Variants in ALDH1A2 observed in about 807,000 individuals in gnomAD.
ALDH1A2 encodes retinal dehydrogenase 2.
In ALDH1A2, 27 loss-of-function variants were observed where a neutral mutation model predicts 60.3. The observed-to-expected ratio is 0.45, with a 90% confidence interval of 0.33 to 0.62. The LOEUF is 0.62. ALDH1A2 is among the 20% of genes least tolerant of loss of function. The pLI is 0.02. For synonymous variants in ALDH1A2, 289 were observed against 232.4 expected (o/e 1.24, Z -2.21); for missense variants, 581 against 643.8 (o/e 0.90, Z 1.06).
At chr15:57,971,731 C>A (rs556365113) in intron 7 of ALDH1A2, among the ~76,000 whole-genome samples, 1 of 152,168 alleles carries the variant, frequency 6.6e-6, no homozygotes, top group Non-Finnish European at 1.5e-5. Context: ...GACAAACTTT[C>A]AATAATTTGT....
intron 5 of ALDH1A2, 24 bp downstream of exon 5, chr15:57,995,054 C>T (rs756352718): frequency 1.8e-5 from 29 of 1,591,398 alleles, no homozygotes; most frequent in Admixed American, 5.0e-5. Flanking sequence ...AAAATAAATA[C>T]GAGGTGCGAG....
At position 57,992,941 on chromosome 15, in the gene ALDH1A2, T is replaced by C; in HGVS notation, c.684+4A>G. The C allele has an allele frequency of 6.2e-7, 1 of 1,614,078 alleles. No homozygotes were observed. The highest frequency in any genetic ancestry group is 8.5e-7 in the Non-Finnish European group (1 of 1,179,964). On this transcript the variant is annotated splice_donor_region_variant and intron_variant, in intron 6 of 12. Coordinates refer to ENST00000249750, the MANE Select transcript of ALDH1A2 (RefSeq NM_003888.4). ...GAAGCACTCCCGAAGTCCGTTTCTC[T>C]TACCTCCTTGATGAGGGCTCCCATG...
chr15:57,974,449 A>G (rs577814997), intron 7 of ALDH1A2, among the ~76,000 whole-genome samples: 4 of 151,050 alleles, frequency 2.6e-5, no homozygotes, highest in Non-Finnish European at 4.4e-5. Flanking sequence ...AAAAAAAAAA[A>G]AAAAGAAAGA....
intron 1 of ALDH1A2, among the ~76,000 whole-genome samples, chr15:58,060,687 G>A (rs1897012680): frequency 6.6e-6 from 1 of 152,132 alleles, no homozygotes; most frequent in Admixed American, 6.6e-5. Context: ...CTGTGGCTCT[G>A]CCATTATAGT....
At chr15:57,993,581 T>C (rs1894963284) in intron 5 of ALDH1A2, among the ~76,000 whole-genome samples, 2 of 152,190 alleles carry the variant, frequency 1.3e-5, no homozygotes, top group African/African-American at 2.4e-5. Flanking sequence ...ACATATATGA[T>C]TACAAAAAAT....
chr15:58,010,656 A>G lies in ALDH1A2; in HGVS notation c.486T>C (p.Ile162=). The change falls in exon 4 of 13, where the codon ATT becomes ATC. Residue 162 remains isoleucine (I), a synonymous_variant. Transcript: ENST00000249750. ...GWADKIHGMT[I]PVDGDYFTFT... ...TACTCAGATTTCACATACCTACAGG[A>G]ATGGTCATCCCATGAATTTTATCAG... is the stretch of plus-strand genomic sequence containing the variant. 1 of 1,613,262 alleles carries G rather than the reference A, an allele frequency of 6.2e-7. No homozygotes were observed.
chr15:58,027,794 T>C (rs1198506610), intron 1 of ALDH1A2, among the ~76,000 whole-genome samples: 3 of 151,974 alleles, frequency 2.0e-5, no homozygotes, highest in African/African-American at 7.3e-5. Context: ...GAAGAAAGGC[T>C]ATCAGTGATT....
intron 1 of ALDH1A2, among the ~76,000 whole-genome samples, chr15:58,016,068 C>T (rs969278263): frequency 6.6e-6 from 1 of 151,802 alleles, no homozygotes; most frequent in Non-Finnish European, 1.5e-5. Context: ...TGTCCCTATC[C>T]TTTTATTCAC....
In ALDH1A2 at chr15:58,013,924, A is replaced by G; in HGVS notation, c.297T>C (p.Ala99=). The G allele has an allele frequency of 6.2e-7, 1 of 1,614,088 alleles. No individual in the cohort carries two copies. Among genetic ancestry groups the G allele is most frequent in the South Asian group, 1.1e-5 (1 of 91,064 alleles). The change falls in exon 3 of 13, where the codon GCT becomes GCC. Residue 99 remains alanine, a synonymous_variant. Transcript: ENST00000249750. The part of the protein sequence containing the change: ...SLGSVWRRMD[A]SERGRLLDKL... ...TATCCAACAGACGTCCCCTTTCTGA[A>G]GCATCCATCCTTCTCCACACTGAAC...
At chr15:57,994,964 GT>G (rs34071724) in intron 5 of ALDH1A2, 113 bp downstream of exon 5, 17 of 1,036,296 alleles carry the variant, frequency 1.6e-5, no homozygotes, top group Admixed American at 1.0e-4. Flanking sequence ...CATGAGCTCA[GT>G]TTTTTTTCCT....
At chr15:57,963,720 T>C (rs1893803047) in intron 9 of ALDH1A2, among the ~76,000 whole-genome samples, 165 bp downstream of exon 9, 1 of 152,096 alleles carries the variant, frequency 6.6e-6, no homozygotes, top group South Asian at 2.1e-4. Context: ...GCATAAGAAA[T>C]AAGCAATCCC....
In ALDH1A2 at chr15:57,962,136, T is replaced by C. The variant is rs1442466728; in HGVS notation, c.1127A>G (p.Gln376Arg). ...KQYNKILELI[Q>R]SGVAEGAKLE... ...CTTGGCGCCCTCAGCCACACCACTCTGGATGAGTTCCAAGATCTTGTTGTA... is the reference window on the plus strand; with the variant it reads ...CTTGGCGCCCTCAGCCACACCACTCCGGATGAGTTCCAAGATCTTGTTGTA... Residue 376 changes from glutamine (Q) to arginine (R), a missense_variant, in exon 10 of 13, where the codon CAG becomes CGG. Transcript: ENST00000249750. 4 of 1,614,102 alleles carry C rather than the reference T, an allele frequency of 2.5e-6. No homozygotes were observed. The highest frequency in any genetic ancestry group is 1.7e-5 in the Admixed American group (1 of 60,010).
intron 1 of ALDH1A2, among the ~76,000 whole-genome samples, chr15:58,041,815 A>C (rs1233681178): frequency 2.0e-5 from 3 of 151,970 alleles, no homozygotes; most frequent in African/African-American, 7.2e-5. Context: ...CTGGTATAGT[A>C]ATACATACTA....
chr15:58,037,903 T>C (rs1896418369), intron 1 of ALDH1A2, among the ~76,000 whole-genome samples: 1 of 151,858 alleles, frequency 6.6e-6, no homozygotes, highest in Middle Eastern at 3.4e-3. Flanking sequence ...AGACACACTT[T>C]GTGTTTTTTT....
intron 1 of ALDH1A2, among the ~76,000 whole-genome samples, chr15:58,058,623 CATG>C (rs1236659914): frequency 2.0e-5 from 3 of 151,938 alleles, no homozygotes; most frequent in Non-Finnish European, 2.9e-5. Context: ...TTTTCAGATT[CATG>C]ATATGCTAAA....
chr15:58,024,674 G>A (rs921290567), intron 1 of ALDH1A2, among the ~76,000 whole-genome samples: 1 of 152,016 alleles, frequency 6.6e-6, no homozygotes, highest in African/African-American at 2.4e-5. Context: ...CAACCAAAAA[G>A]CACTGGATTT....
At chr15:58,014,940 T>G (rs1014487833) in intron 1 of ALDH1A2, among the ~76,000 whole-genome samples, 1 of 152,184 alleles carries the variant, frequency 6.6e-6, no homozygotes, top group Non-Finnish European at 1.5e-5. Flanking sequence ...AGGCTTGGTC[T>G]CCCTATGTAT....
chr15:58,020,419 A>T (rs1260993024), intron 1 of ALDH1A2, among the ~76,000 whole-genome samples: 2 of 152,192 alleles, frequency 1.3e-5, no homozygotes, highest in African/African-American at 4.8e-5. Context: ...AGTACCTCCC[A>T]CACCAAGAAC....
chr15:57,957,252 C>T (rs889380332), intron 12 of ALDH1A2, among the ~76,000 whole-genome samples: 1 of 152,154 alleles, frequency 6.6e-6, no homozygotes, highest in Non-Finnish European at 1.5e-5. Flanking sequence ...GCCCAGTCAT[C>T]TCTCCAGCAG....
Sources: gnomAD v4.1 joint callset for allele counts (sites outside exome capture counted in the v4.1 genomes callset) on GRCh38, gnomAD v4.1.1 for gene constraint, MANE v1.5 for transcripts, NCBI Gene and HGNC (gene_info 2026-07-23, HGNC 2026-07-21) for gene names.